ZNF737: variants seen among roughly 807,000 people sequenced by gnomAD.
ZNF737 encodes zinc finger protein 102 (Y3).
In ZNF737, 13 loss-of-function variants were observed where a neutral mutation model predicts 11.7. The observed-to-expected ratio is 1.11, with a 90% confidence interval of 0.73 to 1.77. ZNF737 has a LOEUF of 1.77. Among genes scored for constraint, ZNF737 ranks in the 40% most tolerant of loss-of-function variants. ZNF737 has a pLI of 0.00. For missense variants in ZNF737, 636 were observed against 638.0 expected, an observed-to-expected ratio of 1.00 and a Z score of 0.03; for synonymous variants, 217 against 216.2, an observed-to-expected ratio of 1.00 and a Z score of -0.03.
downstream of ZNF737, among the ~76,000 whole-genome samples, chr19:20,537,511 A>T (rs1311136629): frequency 0.019 from 1,474 of 76,616 alleles, 10 homozygotes; most frequent in Non-Finnish European, 0.025. Flanking sequence ...CTGGTTTTCT[A>T]TTTTTTTTTT....
intron 3 of ZNF737, 119 bp downstream of exon 3, chr19:20,552,356 C>A: frequency 6.7e-6 from 4 of 600,544 alleles, no homozygotes; most frequent in East Asian, 3.7e-5. Context: ...AAACAGCTCC[C>A]AGGAACTATT....
rs781876650 is a variant in ZNF737, at chr19:20,539,717, A to G, written c.*4875T>C. On this transcript the variant is annotated 3_prime_UTR_variant, in exon 4 of 4. Coordinates refer to ENST00000427401, the MANE Select transcript of ZNF737 (RefSeq NM_001159293.2). ...TGTTTTTAAGGTTTTTCAAATATGA[A>G]AACAGACAATTAGGTATACTTTTTG... The G allele has an allele frequency of 6.1e-6, 6 of 980,762 alleles. No homozygotes were observed. In the Admixed American group the frequency reaches 3.1e-4, roughly 50 times the overall value. 60.8% of individuals were successfully genotyped at this position (980,762 alleles called of 1,614,324 possible). A position where few individuals can be genotyped will look rare whatever the true frequency, so the allele number is the denominator to read the frequency against.
chr19:20,542,473 C>G lies in ZNF737; in HGVS notation c.*2119G>C. On this transcript the variant is annotated 3_prime_UTR_variant, in exon 4 of 4. Coordinates refer to ENST00000427401, the MANE Select transcript of ZNF737 (RefSeq NM_001159293.2). ...TCTCGAACTCCTGACCTCAGGTGATCTGCCCACCTTGGCCTCCCAAAGTGC... is the reference window on the plus strand; with the variant it reads ...TCTCGAACTCCTGACCTCAGGTGATGTGCCCACCTTGGCCTCCCAAAGTGC... The G allele has an allele frequency of 1.3e-6, 1 of 775,472 alleles. No individual in the cohort carries two copies. The highest frequency in any genetic ancestry group is 1.6e-6 in the Non-Finnish European group (1 of 638,528). 48.0% of individuals were successfully genotyped at this position (775,472 alleles called of 1,614,324 possible).
chr19:20,554,950 C>T (rs1467323859), intron 1 of ZNF737, among the ~76,000 whole-genome samples: 2 of 104,600 alleles, frequency 1.9e-5, no homozygotes, highest in Admixed American at 9.1e-5. Context: ...GCAACCTCCG[C>T]CTCCTGTGTT....
chr19:20,555,186 TC>T (rs1968841379), intron 1 of ZNF737, among the ~76,000 whole-genome samples: 6 of 102,054 alleles, frequency 5.9e-5, no homozygotes, highest in East Asian at 4.5e-4. Flanking sequence ...TCTTTTCTTT[TC>T]TTTTCTTTTT....
At position 20,539,951 on chromosome 19, in the gene ZNF737, C is replaced by T. The variant is rs1968133334; in HGVS notation, c.*4641G>A. On this transcript the variant is annotated 3_prime_UTR_variant, in exon 4 of 4. Transcript: ENST00000427401. Reference sequence around the variant, plus strand: ...CATAATGCCAGTGAGCACTTTTACCCAGGTTACCTTTTTCCTCCCATTAAT... The same window carrying T: ...CATAATGCCAGTGAGCACTTTTACCTAGGTTACCTTTTTCCTCCCATTAAT... The T allele has an allele frequency of 1.0e-6, 1 of 985,020 alleles. No individual in the cohort carries two copies. Among genetic ancestry groups the T allele is most frequent in the Admixed American group, 6.2e-5 (1 of 16,224 alleles). The allele number at this position is 985,020 out of a possible 1,614,324, so 61.0% of individuals were successfully genotyped here.
chr19:20,531,506 G>C (rs1967828673), downstream of ZNF737, among the ~76,000 whole-genome samples: 2 of 149,586 alleles, frequency 1.3e-5, 1 homozygote, highest in Non-Finnish European at 3.0e-5. Flanking sequence ...GCTTAGGACG[G>C]AGTGTATAGA....
Position 20,542,371 on chromosome 19 carries a change from G to A in ZNF737, c.*2221C>T, listed in dbSNP as rs1305200939. ...AGCCTCCTGAGTAGCTGAGATTACA[G>A]GCATGCACCACCATGCCTGGCTAAT... On this transcript the variant is annotated 3_prime_UTR_variant, in exon 4 of 4. Coordinates refer to ENST00000427401, the MANE Select transcript of ZNF737 (RefSeq NM_001159293.2). The A allele has an allele frequency of 1.2e-5, 4 of 320,280 alleles. No homozygotes were observed. The highest frequency in any genetic ancestry group is 1.3e-5 in the Non-Finnish European group (3 of 222,256). The allele number at this position is 320,280 out of a possible 1,614,324, so 19.8% of individuals were successfully genotyped here. A position where few individuals can be genotyped will look rare whatever the true frequency, so the allele number is the denominator to read the frequency against.
chr19:20,545,241 G>C lies in ZNF737; in HGVS notation c.962C>G (p.Ala321Gly). The part of the protein sequence containing the change: ...KPYKCEECGK[A>G]FKHPSVLTTH... ...AGTAAGGACAGAGGGGTGCTTAAAGGCTTTGCCACATTCTTCACATTTGTA... is the reference window on the plus strand; with the variant it reads ...AGTAAGGACAGAGGGGTGCTTAAAGCCTTTGCCACATTCTTCACATTTGTA... The change falls in exon 4 of 4, where the codon GCC (alanine) becomes GGC (glycine). Residue 321 changes from alanine to glycine, a missense_variant. By Grantham distance (60) the Ala-to-Gly change is moderately conservative. Transcript: ENST00000427401. The C allele has an allele frequency of 6.2e-7, 1 of 1,613,754 alleles. No homozygotes were observed. The highest frequency in any genetic ancestry group is 8.5e-7 in the Non-Finnish European group (1 of 1,179,902).
Position 20,542,252 on chromosome 19 carries a change from G to A in ZNF737, c.*2340C>T. The A allele has an allele frequency of 1.1e-6, 1 of 942,324 alleles. No individual in the cohort carries two copies. Among genetic ancestry groups the A allele is most frequent in the Non-Finnish European group, 1.3e-6 (1 of 791,914 alleles). 58.4% of individuals were successfully genotyped at this position (942,324 alleles called of 1,614,324 possible). ...AACAAACTTTTTTTTTTTTGAGACA[G>A]AGTTTTGCTCTTGTTGCCCAGACTG... is the stretch of plus-strand genomic sequence containing the variant. On this transcript the variant is annotated 3_prime_UTR_variant, in exon 4 of 4. Coordinates refer to ENST00000427401, the MANE Select transcript of ZNF737 (RefSeq NM_001159293.2).
chr19:20,555,939 C>T (rs1968873369), intron 1 of ZNF737, among the ~76,000 whole-genome samples: 1 of 152,048 alleles, frequency 6.6e-6, no homozygotes, highest in Non-Finnish European at 1.5e-5. Flanking sequence ...GTCAGTACCA[C>T]AAGTATACCT....
chr19:20,534,268 C>T (rs1555753388), downstream of ZNF737, among the ~76,000 whole-genome samples: 1 of 149,680 alleles, frequency 6.7e-6, no homozygotes, highest in Non-Finnish European at 1.5e-5. Flanking sequence ...ACAGTGAAAC[C>T]CTATCTCTAC....
At chr19:20,546,097 A>G in intron 3 of ZNF737, 121 bp from the exon 4 acceptor site, 1 of 1,230,790 alleles carries the variant, frequency 8.1e-7, no homozygotes, top group East Asian at 2.6e-5. Flanking sequence ...AAATACCACA[A>G]ACTGTAATTT....
chr19:20,549,328 T>G (rs1399345160), intron 3 of ZNF737, among the ~76,000 whole-genome samples: 1 of 152,058 alleles, frequency 6.6e-6, no homozygotes, highest in Admixed American at 6.6e-5. Flanking sequence ...AATAAACTAA[T>G]CTTAAGAAAC....
In ZNF737 at chr19:20,538,677, T is replaced by C. The variant is rs1968074804; in HGVS notation, c.*5915A>G. The C allele has an allele frequency of 2.0e-6, 2 of 985,376 alleles. No homozygotes were observed. The highest frequency in any genetic ancestry group is 2.4e-6 in the Non-Finnish European group (2 of 829,904). The allele number at this position is 985,376 out of a possible 1,614,324, so 61.0% of individuals were successfully genotyped here. ...TGGACCCTGAGTAATTCAGGGGGAA[T>C]TGGTATCTCTGTAAAGAGACAGTAA... On this transcript the variant is annotated 3_prime_UTR_variant, in exon 4 of 4. Transcript: ENST00000427401.
chr19:20,562,219 G>C (rs1256204255), intron 1 of ZNF737, among the ~76,000 whole-genome samples: 2 of 151,984 alleles, frequency 1.3e-5, no homozygotes, highest in Admixed American at 6.6e-5. Flanking sequence ...TGTCACCCAG[G>C]CTGGAGTGCA....
At chr19:20,531,905 G>A (rs1380557750), downstream of ZNF737, among the ~76,000 whole-genome samples, 1 of 150,178 alleles carries the variant, frequency 6.7e-6, no homozygotes, top group Non-Finnish European at 1.5e-5. Context: ...TACAAAACAT[G>A]TTCCCCAAAA....
rs1251606534 is a variant in ZNF737, at chr19:20,543,270, T to C, written c.*1322A>G. 49 of 985,316 alleles carry C rather than the reference T, an allele frequency of 5.0e-5. No individual in the cohort carries two copies. Among genetic ancestry groups the C allele is most frequent in the African/African-American group, 1.0e-4 (6 of 57,242 alleles). The allele number at this position is 985,316 out of a possible 1,614,324, so 61.0% of individuals were successfully genotyped here. A position where few individuals can be genotyped will look rare whatever the true frequency, so the allele number is the denominator to read the frequency against. On this transcript the variant is annotated 3_prime_UTR_variant, in exon 4 of 4. Transcript: ENST00000427401. The stretch of plus-strand genomic sequence containing the variant: ...CATCTCCAATATAAATTCCCTGATG[T>C]TGAACAAACTTGAGCAACTGCTTTA...
downstream of ZNF737, among the ~76,000 whole-genome samples, chr19:20,532,267 T>A (rs1338247630): frequency 6.7e-6 from 1 of 150,262 alleles, no homozygotes; most frequent in African/African-American, 2.5e-5. Context: ...TCACCTGGGC[T>A]GTGCAAACTG....
Sources: allele counts gnomAD v4.1 joint callset (sites outside exome capture counted in the v4.1 genomes callset), GRCh38; gene constraint gnomAD v4.1.1; transcripts MANE v1.5; gene names NCBI Gene and HGNC (gene_info 2026-07-23, HGNC 2026-07-21).